Variants in TSPEAR observed in about 807,000 individuals in gnomAD.
The protein encoded by TSPEAR is thrombospondin type laminin G domain and EAR repeats.
A neutral mutation model predicts 71.6 loss-of-function variants in TSPEAR; 69 were observed. The ratio of observed to expected loss-of-function variants is 0.96; its 90% confidence interval spans 0.79 to 1.18. The LOEUF (loss-of-function observed/expected upper bound fraction) is 1.18. Ranked by LOEUF, TSPEAR falls within the 50% of genes most tolerant of loss-of-function variation. The pLI, the probability that TSPEAR is intolerant of heterozygous loss-of-function variation, is 0.00. For missense variants in TSPEAR, 971 were observed against 894.9 expected, an observed-to-expected ratio of 1.09 and a Z score of -1.09; for synonymous variants, 402 against 387.2, an observed-to-expected ratio of 1.04 and a Z score of -0.45.
chr21:44,525,958 G>C (rs782442982), intron 7 of TSPEAR, 119 bp from the exon 8 acceptor site: 21 of 1,033,076 alleles, frequency 2.0e-5, no homozygotes, highest in Non-Finnish European at 2.9e-5. Context: ...ACGTGGTGCA[G>C]GGACAGAGGA....
chr21:44,558,224 G>A (rs782054799), intron 2 of TSPEAR: 32 of 1,613,094 alleles, frequency 2.0e-5, no homozygotes, highest in South Asian at 6.6e-5. Flanking sequence ...ACCTGCACAC[G>A]GGGCGGCAGA....
chr21:44,535,065 G>T (rs1555916236), intron 2 of TSPEAR, among the ~76,000 whole-genome samples: 2 of 152,266 alleles, frequency 1.3e-5, no homozygotes, highest in African/African-American at 4.8e-5. Context: ...GTAGGTGCCG[G>T]GGCTGGGGGG....
At chr21:44,659,577 G>A (rs1339520677) in intron 1 of TSPEAR, among the ~76,000 whole-genome samples, 1 of 152,186 alleles carries the variant, frequency 6.6e-6, no homozygotes, top group African/African-American at 2.4e-5. Context: ...AAAAAAGCAA[G>A]GAAAAACCAA....
At chr21:44,665,449 A>G (rs1367761196) in intron 1 of TSPEAR, among the ~76,000 whole-genome samples, 1 of 152,254 alleles carries the variant, frequency 6.6e-6, no homozygotes, top group Non-Finnish European at 1.5e-5. Context: ...ATGCAGAAGA[A>G]TGCTACCAGC....
chr21:44,522,923 G>T (rs1477845099), intron 8 of TSPEAR, among the ~76,000 whole-genome samples: 1 of 152,274 alleles, frequency 6.6e-6, no homozygotes, highest in African/African-American at 2.4e-5. Flanking sequence ...GACCTTTCCT[G>T]CTGGGAGGCT....
chr21:44,646,545 C>T (rs782797504), intron 1 of TSPEAR: 4 of 1,612,628 alleles, frequency 2.5e-6, no homozygotes, highest in Admixed American at 3.3e-5. Context: ...GCTGTGAGCC[C>T]CCCTGCAGCG....
chr21:44,649,748 G>C (rs1161817745), intron 1 of TSPEAR, among the ~76,000 whole-genome samples: 1 of 152,200 alleles, frequency 6.6e-6, no homozygotes, highest in Admixed American at 6.5e-5. Flanking sequence ...GGGCCTTCCT[G>C]TGTGTGCAGT....
chr21:44,659,444 G>T (rs1456758750), intron 1 of TSPEAR, among the ~76,000 whole-genome samples: 1 of 152,114 alleles, frequency 6.6e-6, no homozygotes, highest in Non-Finnish European at 1.5e-5. Context: ...CACGGTCAGT[G>T]TCTGACCAGA....
chr21:44,601,821 C>G (rs1270964038), intron 1 of TSPEAR: 23 of 1,520,006 alleles, frequency 1.5e-5, no homozygotes, highest in Non-Finnish European at 2.0e-5. Flanking sequence ...CTCCACATCC[C>G]GCTCCTAAGC....
intron 1 of TSPEAR, among the ~76,000 whole-genome samples, chr21:44,633,796 A>T (rs587703720): frequency 1.3e-4 from 20 of 152,148 alleles, no homozygotes; most frequent in East Asian, 1.9e-4. Flanking sequence ...CTATTTAAAA[A>T]TTTTTTTTAA....
chr21:44,581,110 G>A lies in TSPEAR; in HGVS notation c.83-13105C>T, dbSNP rs1321762686. 2.0e-5 allele frequency among the ~76,000 whole-genome samples: 3 copies of A among 152,152 alleles called. 1 individual carries two copies. The highest frequency in any genetic ancestry group is 7.2e-5 in the African/African-American group (3 of 41,422). Reference sequence around the variant, plus strand: ...TAAGTGGCCCTCTCTTCAACCCCTTGTGCCTCGTAAGGGGAATGCTCAGAG... The same window carrying A: ...TAAGTGGCCCTCTCTTCAACCCCTTATGCCTCGTAAGGGGAATGCTCAGAG... On this transcript the variant is annotated intron_variant, in intron 1 of 11. Transcript: ENST00000323084.
chr21:44,524,402 G>C (rs1407921183), intron 8 of TSPEAR, among the ~76,000 whole-genome samples: 3 of 151,968 alleles, frequency 2.0e-5, no homozygotes, highest in African/African-American at 7.3e-5. Context: ...GGGAGAGTCA[G>C]GTAATTAGGT....
At chr21:44,579,027 G>GC (rs1978671928) in intron 1 of TSPEAR, among the ~76,000 whole-genome samples, 1 of 152,180 alleles carries the variant, frequency 6.6e-6, no homozygotes, top group African/African-American at 2.4e-5. Flanking sequence ...AGGTGCAGCA[G>GC]CCCCTCCCTC....
At chr21:44,664,451 C>T (rs1407055984) in intron 1 of TSPEAR, among the ~76,000 whole-genome samples, 4 of 151,840 alleles carry the variant, frequency 2.6e-5, no homozygotes, top group Non-Finnish European at 4.4e-5. Context: ...ATAAATAGAC[C>T]ATGTTATGGA....
Position 44,623,745 on chromosome 21 carries a change from T to C in TSPEAR, c.83-55740A>G, listed in dbSNP as rs1370983012. Among the ~76,000 whole-genome samples, 2 of 152,216 alleles carry C rather than the reference T, an allele frequency of 1.3e-5. No individual in the cohort carries two copies. The highest frequency in any genetic ancestry group is 2.9e-5 in the Non-Finnish European group (2 of 68,034). Reference sequence around the variant, plus strand: ...CAGTAAATATATCATTCCATCATCCTCTGGCTGCCATCATTTCTACTGAGA... The same window carrying C: ...CAGTAAATATATCATTCCATCATCCCCTGGCTGCCATCATTTCTACTGAGA... On this transcript the variant is annotated intron_variant, in intron 1 of 11. Coordinates refer to ENST00000323084, the MANE Select transcript of TSPEAR (RefSeq NM_144991.3). This position sits in a 1 kb window ranked among gnomAD's most constrained non-coding sequence, Gnocchi z 4.5.
In TSPEAR at chr21:44,575,161, A is replaced by AT. The variant is rs1978348726; in HGVS notation, c.83-7157dup. 5 of 877,248 alleles carry AT rather than the reference A, an allele frequency of 5.7e-6. No homozygotes were observed. The African/African-American group carries it at 6.8e-5, about 12-fold the overall frequency. 54.3% of individuals were successfully genotyped at this position (877,248 alleles called of 1,614,324 possible). A position where few individuals can be genotyped will look rare whatever the true frequency, so the allele number is the denominator to read the frequency against. Reference sequence around the variant, plus strand: ...TGGACAATGGAAGAACTGAAAGTCTATACTCAATGCTGCAGCCCTCTTGCG... The same window carrying AT: ...TGGACAATGGAAGAACTGAAAGTCTATTACTCAATGCTGCAGCCCTCTTGCG... On this transcript the variant is annotated intron_variant, in intron 1 of 11. Transcript: ENST00000323084.
At chr21:44,694,136 G>C (rs1352045676) in intron 1 of TSPEAR, among the ~76,000 whole-genome samples, 1 of 152,202 alleles carries the variant, frequency 6.6e-6, no homozygotes, top group East Asian at 1.9e-4. Context: ...AATGGAGAAG[G>C]AATCATCTCT....
At chr21:44,603,269 G>A (rs992339138) in intron 1 of TSPEAR, among the ~76,000 whole-genome samples, 10 of 152,168 alleles carry the variant, frequency 6.6e-5, no homozygotes, top group African/African-American at 2.4e-4. Flanking sequence ...CCCGGCCCCT[G>A]TGCAGAAGAA....
At chr21:44,510,623 AAAACT>A (rs2052342244) in intron 9 of TSPEAR, 1 of 152,274 alleles carries the variant, frequency 6.6e-6, no homozygotes, top group African/African-American at 2.4e-5. Context: ...CAGGAAAGAG[AAAACT>A]CTGGGCCCAA....
Sources: allele counts gnomAD v4.1 joint callset (sites outside exome capture counted in the v4.1 genomes callset), GRCh38; gene constraint gnomAD v4.1.1; non-coding constraint Gnocchi (gnomAD v3.1); transcripts MANE v1.5; gene names NCBI Gene and HGNC (gene_info 2026-07-23, HGNC 2026-07-21).